PPP1R12B: variants seen among roughly 807,000 people sequenced by gnomAD.
The protein encoded by PPP1R12B is myosin phosphatase target subunit 2.
PPP1R12B carries 76 observed loss-of-function variants against 126.1 expected under a neutral mutation model. The observed-to-expected ratio is 0.60, with a 90% CI of 0.50 to 0.73. The LOEUF (loss-of-function observed/expected upper bound fraction) is 0.73. PPP1R12B is among the 30% of genes least tolerant of loss of function. PPP1R12B has a pLI of 0.00. For synonymous variants in PPP1R12B, 356 were observed against 434.7 expected, an observed-to-expected ratio of 0.82 and a Z score of 2.25; for missense variants, 1,052 against 1,205.1, an observed-to-expected ratio of 0.87 and a Z score of 1.88.
chr1:202,566,139 T>C (rs1043481304), intron 21 of PPP1R12B, among the ~76,000 whole-genome samples: 1 of 152,256 alleles, frequency 6.6e-6, no homozygotes, highest in Non-Finnish European at 1.5e-5. Context: ...AGCATATGTC[T>C]TGACCTTTAG....
intron 7 of PPP1R12B, among the ~76,000 whole-genome samples, chr1:202,431,200 T>C (rs1432253833): frequency 6.6e-6 from 1 of 152,240 alleles, no homozygotes; most frequent in Non-Finnish European, 1.5e-5. Flanking sequence ...AGTAAACATT[T>C]GTTAAATGAT....
At chr1:202,429,347 T>C (rs184693785) in intron 6 of PPP1R12B, among the ~76,000 whole-genome samples, 27 of 152,356 alleles carry the variant, frequency 1.8e-4, no homozygotes, top group African/African-American at 6.5e-4. Flanking sequence ...GAGAAGAATA[T>C]ATTTCTTAAA....
At chr1:202,410,148 T>C (rs1571881098) in intron 1 of PPP1R12B, 1 of 152,232 alleles carries the variant, frequency 6.6e-6, no homozygotes, top group East Asian at 1.9e-4. Context: ...GTCATCCTTA[T>C]GTAGGGGCCA....
chr1:202,498,451 G>A (rs1474568105), intron 18 of PPP1R12B, among the ~76,000 whole-genome samples: 5 of 152,302 alleles, frequency 3.3e-5, no homozygotes, highest in South Asian at 2.1e-4. Flanking sequence ...CTCCAGCCTC[G>A]CTAATAGTGC....
chr1:202,371,858 C>CTTTTTTTTTTTTTTTTTTTTT (rs1193939057), intron 1 of PPP1R12B, among the ~76,000 whole-genome samples: 1 of 75,342 alleles, frequency 1.3e-5, no homozygotes, highest in Non-Finnish European at 2.5e-5. Flanking sequence ...ATTATAGTTT[C>CTTTTTTTTTTTTTTTTTTTTT]TTTTTTTTTT....
intron 13 of PPP1R12B, among the ~76,000 whole-genome samples, chr1:202,449,739 T>G (rs950284609): frequency 6.6e-6 from 1 of 152,098 alleles, no homozygotes; most frequent in African/African-American, 2.4e-5. Context: ...CAGGCTGGAG[T>G]GCAGTGGCGC....
chr1:202,432,058 T>C (rs1255170908), intron 8 of PPP1R12B, among the ~76,000 whole-genome samples: 1 of 152,186 alleles, frequency 6.6e-6, no homozygotes, highest in African/African-American at 2.4e-5. Context: ...AAAATGTCGG[T>C]ATGCTGAGAG....
chr1:202,416,074 C>T (rs947932296), intron 1 of PPP1R12B, among the ~76,000 whole-genome samples: 29 of 152,172 alleles, frequency 1.9e-4, no homozygotes, highest in African/African-American at 3.6e-4. Flanking sequence ...TAAGCATCTG[C>T]GACAAATAGG....
intron 22 of PPP1R12B, among the ~76,000 whole-genome samples, chr1:202,568,736 G>A (rs1262163823): frequency 1.3e-5 from 2 of 152,192 alleles, no homozygotes; most frequent in Admixed American, 6.5e-5. Context: ...CTCATCATGA[G>A]AGAAGCAGTT....
chr1:202,534,949 T>C (rs1048333510), intron 18 of PPP1R12B, among the ~76,000 whole-genome samples: 5 of 152,206 alleles, frequency 3.3e-5, no homozygotes, highest in African/African-American at 1.2e-4. Flanking sequence ...ACATATATTT[T>C]ATAAATGCAC....
chr1:202,367,479 T>G (rs1156914840), intron 1 of PPP1R12B, among the ~76,000 whole-genome samples: 4 of 152,214 alleles, frequency 2.6e-5, no homozygotes, highest in Non-Finnish European at 5.9e-5. Flanking sequence ...TAGCTCTCAG[T>G]ACTTGTCTTT....
intron 18 of PPP1R12B, among the ~76,000 whole-genome samples, chr1:202,532,486 A>C (rs894238362): frequency 3.3e-5 from 5 of 152,194 alleles, no homozygotes; most frequent in East Asian, 1.9e-4. Flanking sequence ...AAAACATACC[A>C]ATACCTTAGT....
chr1:202,392,428 T>C (rs1664276548), intron 1 of PPP1R12B, among the ~76,000 whole-genome samples: 1 of 152,076 alleles, frequency 6.6e-6, no homozygotes, highest in East Asian at 1.9e-4. Context: ...GGGAAATCTC[T>C]GGAGTGGGAA....
intron 18 of PPP1R12B, among the ~76,000 whole-genome samples, chr1:202,542,859 T>A (rs1685263754): frequency 6.6e-6 from 1 of 152,202 alleles, no homozygotes; most frequent in Admixed American, 6.5e-5. Context: ...CTTACTGTCC[T>A]CTTCCAAACT....
chr1:202,460,931 T>C (rs1391097931), intron 13 of PPP1R12B, among the ~76,000 whole-genome samples: 1 of 152,214 alleles, frequency 6.6e-6, no homozygotes, highest in Non-Finnish European at 1.5e-5. Flanking sequence ...ATGGCACCTC[T>C]ATGTAATTTT....
At chr1:202,511,394 T>C (rs1169708495) in intron 18 of PPP1R12B, among the ~76,000 whole-genome samples, 4 of 152,074 alleles carry the variant, frequency 2.6e-5, no homozygotes, top group Admixed American at 1.3e-4. Context: ...TTTTTTTGTA[T>C]TTTTAGTAGA....
intron 12 of PPP1R12B, chr1:202,443,243 C>T (rs1671849416): frequency 5.0e-6 from 2 of 401,720 alleles, no homozygotes; most frequent in Non-Finnish European, 3.4e-6. Context: ...TACAAAAATA[C>T]TTAATATTTT....
At chr1:202,394,374 A>G (rs1311900692) in intron 1 of PPP1R12B, among the ~76,000 whole-genome samples, 4 of 152,204 alleles carry the variant, frequency 2.6e-5, no homozygotes, top group African/African-American at 9.6e-5. Context: ...TCTGGACAGT[A>G]TTTTAGCAGG....
intron 13 of PPP1R12B, among the ~76,000 whole-genome samples, chr1:202,483,163 T>C (rs1677627342): frequency 6.6e-6 from 1 of 152,166 alleles, no homozygotes; most frequent in Admixed American, 6.6e-5. Flanking sequence ...AGTATATTTT[T>C]AAGTTATGTA....
Sources: gnomAD v4.1 joint callset for allele counts (sites outside exome capture counted in the v4.1 genomes callset) on GRCh38, gnomAD v4.1.1 for gene constraint, MANE v1.5 for transcripts, NCBI Gene and HGNC (gene_info 2026-07-23, HGNC 2026-07-21) for gene names.